Variants in PCP4 observed in about 807,000 individuals in gnomAD.
PCP4 encodes the protein calmodulin regulator protein PCP4.
A neutral mutation model predicts 10.0 loss-of-function variants in PCP4; 8 were observed. The ratio of observed to expected loss-of-function variants is 0.80; its 90% confidence interval spans 0.47 to 1.45. The LOEUF is 1.45. PCP4 is among the 40% of genes most tolerant of loss of function. The pLI is 0.00. For synonymous variants in PCP4, 21 were observed against 23.0 expected (o/e 0.91, Z 0.24); for missense variants, 54 against 74.4 (o/e 0.73, Z 1.01).
In PCP4 at chr21:39,900,599, G is replaced by A. The variant is rs561606534; in HGVS notation, c.61+2072G>A. Among the ~76,000 whole-genome samples, 19 of 152,128 alleles carry A rather than the reference G, an allele frequency of 1.2e-4. No homozygotes were observed. The South Asian group carries it at 3.3e-3, about 27-fold the overall frequency. On this transcript the variant is annotated intron_variant, in intron 2 of 2. Transcript: ENST00000328619. Reference sequence around the variant, plus strand: ...GTAACAAGCATGCAGTTTACACAGCGTTTTCACTTAGCACCCTCCCTCTAG... The same window carrying A: ...GTAACAAGCATGCAGTTTACACAGCATTTTCACTTAGCACCCTCCCTCTAG...
intron 2 of PCP4, among the ~76,000 whole-genome samples, chr21:39,908,406 G>A (rs957539211): frequency 6.6e-6 from 1 of 152,158 alleles, no homozygotes; most frequent in African/African-American, 2.4e-5. Context: ...GGTGGATACA[G>A]AGCTGTTCAC....
intron 1 of PCP4, among the ~76,000 whole-genome samples, chr21:39,891,852 A>G (rs187821857): frequency 1.3e-5 from 2 of 152,380 alleles, no homozygotes; most frequent in South Asian, 2.1e-4. Flanking sequence ...TAAGACTTTC[A>G]CTATTTCTTC....
chr21:39,928,349 C>T (rs1028204760), intron 2 of PCP4, among the ~76,000 whole-genome samples: 1 of 152,236 alleles, frequency 6.6e-6, no homozygotes. Context: ...CCACCCCCCA[C>T]TTTGTGTCCT....
chr21:39,925,095 T>TC (rs954987453), intron 2 of PCP4, among the ~76,000 whole-genome samples: 1 of 152,146 alleles, frequency 6.6e-6, no homozygotes, highest in Admixed American at 6.5e-5. Context: ...CCTGAGGCTT[T>TC]CCCCCATGAA....
intron 1 of PCP4, among the ~76,000 whole-genome samples, chr21:39,889,263 T>A (rs1174679050): frequency 2.0e-5 from 3 of 151,408 alleles, no homozygotes; most frequent in Non-Finnish European, 4.4e-5. Context: ...AAGGGAGGAG[T>A]GTATGGCACC....
chr21:39,902,845 G>A (rs1208718710), intron 2 of PCP4, among the ~76,000 whole-genome samples: 1 of 152,068 alleles, frequency 6.6e-6, no homozygotes, highest in African/African-American at 2.4e-5. Context: ...GATTTCATTT[G>A]TTTCTGGAAA....
chr21:39,892,939 A>G (rs184883758), intron 1 of PCP4, among the ~76,000 whole-genome samples: 91 of 152,336 alleles, frequency 6.0e-4, no homozygotes, highest in African/African-American at 2.1e-3. Flanking sequence ...CCAGTTACAG[A>G]AAGACAAACA....
intron 2 of PCP4, among the ~76,000 whole-genome samples, chr21:39,911,290 A>G (rs561656054): frequency 1.3e-5 from 2 of 152,276 alleles, no homozygotes; most frequent in East Asian, 3.9e-4. Context: ...GGAAAATTTA[A>G]CATTTCCTCT....
At chr21:39,878,738 G>A (rs2087358036) in intron 1 of PCP4, among the ~76,000 whole-genome samples, 1 of 152,186 alleles carries the variant, frequency 6.6e-6, no homozygotes, top group South Asian at 2.1e-4. Flanking sequence ...GCTCATGGTA[G>A]AGTATCATTG....
intron 1 of PCP4, among the ~76,000 whole-genome samples, chr21:39,894,099 T>C (rs938339372): frequency 2.0e-5 from 3 of 152,092 alleles, no homozygotes; most frequent in Non-Finnish European, 4.4e-5. Context: ...GGGCTGGAGA[T>C]GATCAGGAGA....
chr21:39,895,353 G>T (rs2087452077), intron 1 of PCP4, among the ~76,000 whole-genome samples: 1 of 152,226 alleles, frequency 6.6e-6, no homozygotes, highest in Non-Finnish European at 1.5e-5. Context: ...CTTGGCTGTT[G>T]TTTGCCTCTG....
In PCP4 at chr21:39,906,123, C is replaced by A. The variant is rs2087507753; in HGVS notation, c.61+7596C>A. Among the ~76,000 whole-genome samples the A allele has an allele frequency of 2.0e-5, 3 of 152,294 alleles. No individual in the cohort carries two copies. In the South Asian group the frequency reaches 6.2e-4, roughly 32 times the overall value. ...AGGTGGGTTGGGAGAGGATCTCAGG[C>A]AAAGTTGCTGGTGAACTCAGGATTG... is the stretch of plus-strand genomic sequence containing the variant. On this transcript the variant is annotated intron_variant, in intron 2 of 2. Transcript: ENST00000328619. This position sits in a 1 kb window ranked among gnomAD's most constrained non-coding sequence, Gnocchi z 6.3.
At chr21:39,890,490 G>A (rs1031917878) in intron 1 of PCP4, among the ~76,000 whole-genome samples, 10 of 151,232 alleles carry the variant, frequency 6.6e-5, no homozygotes, top group African/African-American at 2.2e-4. Context: ...AGAGTGGCTG[G>A]GATTACAGGC....
At chr21:39,914,769 G>A (rs1456391389) in intron 2 of PCP4, among the ~76,000 whole-genome samples, 2 of 151,852 alleles carry the variant, frequency 1.3e-5, no homozygotes, top group Non-Finnish European at 2.9e-5. Flanking sequence ...TAAAAACTGG[G>A]GAACTGTATG....
chr21:39,910,739 C>T (rs1488501282), intron 2 of PCP4, among the ~76,000 whole-genome samples: 1 of 152,234 alleles, frequency 6.6e-6, no homozygotes, highest in Non-Finnish European at 1.5e-5. Flanking sequence ...AGGAGCTGGG[C>T]ATTTTTGCTG....
At chr21:39,892,725 T>A (rs1162126729) in intron 1 of PCP4, among the ~76,000 whole-genome samples, 3 of 152,286 alleles carry the variant, frequency 2.0e-5, no homozygotes, top group South Asian at 2.1e-4. Flanking sequence ...TCAAGTACAC[T>A]CTTTAAATTG....
At chr21:39,892,977 C>G (rs189224271) in intron 1 of PCP4, among the ~76,000 whole-genome samples, 91 of 152,190 alleles carry the variant, frequency 6.0e-4, no homozygotes, top group African/African-American at 2.1e-3. Flanking sequence ...CTTGTCAGGT[C>G]TAAAAATCAA....
chr21:39,911,100 G>A (rs2087537965), intron 2 of PCP4, among the ~76,000 whole-genome samples: 1 of 152,072 alleles, frequency 6.6e-6, no homozygotes, highest in Non-Finnish European at 1.5e-5. Flanking sequence ...TAAGCATCAA[G>A]GGGATATCGC....
intron 2 of PCP4, among the ~76,000 whole-genome samples, chr21:39,900,449 C>T (rs2087477614): frequency 6.6e-6 from 1 of 152,116 alleles, no homozygotes; most frequent in East Asian, 1.9e-4. Context: ...ACCCTACTGA[C>T]TCTTATAGAG....
Sources: gnomAD v4.1 joint callset for allele counts (sites outside exome capture counted in the v4.1 genomes callset) on GRCh38, gnomAD v4.1.1 for gene constraint, Gnocchi (gnomAD v3.1) non-coding constraint, MANE v1.5 for transcripts, NCBI Gene and HGNC (gene_info 2026-07-23, HGNC 2026-07-21) for gene names.